Variants in DHRS12 observed in about 807,000 individuals in gnomAD.
DHRS12 encodes the protein dehydrogenase/reductase 12, also known as dehydrogenase/reductase SDR family member 12.
Under a neutral mutation model 32.1 loss-of-function variants are expected in DHRS12, and 29 were observed. The observed-to-expected ratio is 0.90, with a 90% CI of 0.67 to 1.23. The LOEUF (loss-of-function observed/expected upper bound fraction) is 1.23, where lower values mean the gene tolerates loss of function less well. DHRS12 is among the 50% of genes most tolerant of loss of function. The pLI is 0.00. For missense variants in DHRS12, 330 were observed against 337.2 expected (o/e 0.98, Z 0.17); for synonymous variants, 150 against 135.9 (o/e 1.10, Z -0.72).
chr13:51,762,737 CAT>C, the DHRS12 span: 1 of 152,196 alleles, frequency 6.6e-6, no homozygotes, highest in East Asian at 1.9e-4. Flanking sequence ...TTGCACTTTA[CAT>C]ATATTTTTGC....
chr13:51,768,563 C>A, intron 8 of DHRS12: 1 of 1,328,430 alleles, frequency 7.5e-7, no homozygotes, highest in Non-Finnish European at 9.6e-7. Flanking sequence ...TGCGGCCATC[C>A]TCCCGGATAC....
At chr13:51,758,411 C>T in the DHRS12 span, 2 of 663,918 alleles carry the variant, frequency 3.0e-6, no homozygotes, top group South Asian at 4.7e-5. Flanking sequence ...GGTAGCCGGC[C>T]ATGGTGGCAT....
rs138727577 is a variant in DHRS12 at position 51,797,837 on chromosome 13, T to G, written c.126+1697A>C. 1,266 of 1,535,236 alleles carry G rather than the reference T, an allele frequency of 8.2e-4. 11 individuals carry two copies. In the African/African-American group the frequency reaches 0.016, roughly 19 times the overall value. On this transcript the variant is annotated intron_variant, in intron 2 of 8. Transcript: ENST00000444610. ...GAGGAGCTGCTCACCTGGTTACCGC[T>G]CTCCCGGATGATCTCACCCCTGGCA...
rs540451252 is a variant in DHRS12, at chr13:51,788,260, A to G, written c.301+1751T>C. On this transcript the variant is annotated intron_variant, in intron 4 of 8. Coordinates refer to ENST00000444610, the MANE Select transcript of DHRS12 (RefSeq NM_001377533.1). Reference sequence around the variant, plus strand: ...GCACTCTGGGAGTCTCAGCTGTCCCATCGAGTTATGAGCCAAACTCTAGCA... The same window carrying G: ...GCACTCTGGGAGTCTCAGCTGTCCCGTCGAGTTATGAGCCAAACTCTAGCA... Among the ~76,000 whole-genome samples, 17 of 152,132 alleles carry G rather than the reference A, an allele frequency of 1.1e-4. 1 individual carries two copies. Among genetic ancestry groups the G allele is most frequent in the Admixed American group, 4.6e-4 (7 of 15,270 alleles).
intron 2 of DHRS12, among the ~76,000 whole-genome samples, chr13:51,792,943 T>C (rs1955346067): frequency 6.6e-6 from 1 of 151,740 alleles, no homozygotes. Flanking sequence ...TTTTTTTTGG[T>C]CAAAAGTTTG....
rs1188590084 is a variant in DHRS12 at position 51,804,056 on chromosome 13, G to A, written c.-11C>T. On this transcript the variant is annotated splice_region_variant and 5_prime_UTR_variant, in exon 1 of 9. Transcript: ENST00000444610. ...CGCGCCCCGCCGCGCCGCCTTACTTGGTGTACTCGCGCAGCCCCTTGGCGA... is the reference window on the plus strand; with the variant it reads ...CGCGCCCCGCCGCGCCGCCTTACTTAGTGTACTCGCGCAGCCCCTTGGCGA... The A allele has an allele frequency of 3.4e-6, 5 of 1,481,688 alleles. No homozygotes were observed. The highest frequency in any genetic ancestry group is 1.5e-5 in the African/African-American group (1 of 68,496). The allele number at this position is 1,481,688 out of a possible 1,614,324, so 91.8% of individuals were successfully genotyped here.
At chr13:51,785,751 A>ATCATTGTAC (rs990841101) in intron 4 of DHRS12, among the ~76,000 whole-genome samples, 2 of 152,228 alleles carry the variant, frequency 1.3e-5, no homozygotes, top group African/African-American at 4.8e-5. Flanking sequence ...ATGCATGCTT[A>ATCATTGTAC]TCATTGTACA....
intron 4 of DHRS12, among the ~76,000 whole-genome samples, chr13:51,789,379 T>C (rs547258434): frequency 6.6e-6 from 1 of 152,212 alleles, no homozygotes; most frequent in African/African-American, 2.4e-5. Flanking sequence ...ATCTTTAGTG[T>C]GCACCAGAAT....
At chr13:51,781,653 G>C (rs150325435) in intron 4 of DHRS12, among the ~76,000 whole-genome samples, 109 of 152,264 alleles carry the variant, frequency 7.2e-4, no homozygotes, top group African/African-American at 2.6e-3. Flanking sequence ...GGGATGGGAA[G>C]AAGGGCTGCA....
chr13:51,762,991 G>A, the DHRS12 span: 1 of 152,156 alleles, frequency 6.6e-6, no homozygotes, highest in Non-Finnish European at 1.5e-5. Flanking sequence ...TTTGTATGGG[G>A]TCAATCCACC....
At chr13:51,759,304 G>A in the DHRS12 span, among the ~76,000 whole-genome samples, 3 of 151,936 alleles carry the variant, frequency 2.0e-5, no homozygotes, top group South Asian at 4.1e-4. Flanking sequence ...CGTGCTTGGC[G>A]TCCAGTTAAT....
chr13:51,801,667 C>T (rs987063565), intron 1 of DHRS12, among the ~76,000 whole-genome samples: 51 of 152,260 alleles, frequency 3.3e-4, no homozygotes, highest in African/African-American at 1.2e-3. Context: ...CTGTGAAAGG[C>T]TTTTCCGGTA....
the DHRS12 span, chr13:51,755,594 C>A: frequency 1.3e-6 from 1 of 794,516 alleles, no homozygotes; most frequent in Non-Finnish European, 2.0e-6. Flanking sequence ...CTCGTGATTG[C>A]ACAGTAATTT....
In DHRS12 at chr13:51,771,816, C is replaced by T. The variant is rs1253485853; in HGVS notation, c.559+5G>A. The T allele has an allele frequency of 1.2e-6, 2 of 1,613,864 alleles. No homozygotes were observed. Among genetic ancestry groups the T allele is most frequent in the Non-Finnish European group, 1.7e-6 (2 of 1,179,946 alleles). The stretch of plus-strand genomic sequence containing the variant: ...GTGGCTCAGCAATTAAAGGCTATGA[C>T]ATACCTGGGGTGTCGGCCCAGCCAG... On this transcript the variant is annotated splice_donor_5th_base_variant and intron_variant, in intron 7 of 8. Coordinates refer to ENST00000444610, the MANE Select transcript of DHRS12 (RefSeq NM_001377533.1).
chr13:51,799,076 G>A (rs191006331), intron 2 of DHRS12, among the ~76,000 whole-genome samples: 36 of 152,282 alleles, frequency 2.4e-4, no homozygotes, highest in Admixed American at 2.1e-3. Context: ...CAGGTATTTT[G>A]GGGGCCTTGG....
At chr13:51,793,361 C>T (rs1029092421) in intron 2 of DHRS12, among the ~76,000 whole-genome samples, 1 of 152,212 alleles carries the variant, frequency 6.6e-6, no homozygotes, top group African/African-American at 2.4e-5. Flanking sequence ...GAGCAAGAGC[C>T]ACAACTCCTT....
chr13:51,758,522 GCC>G, the DHRS12 span, among the ~76,000 whole-genome samples: 9 of 145,464 alleles, frequency 6.2e-5, no homozygotes, highest in African/African-American at 2.3e-4. Context: ...CTGCACTCTA[GCC>G]TGAGCAACAA....
At chr13:51,777,189 T>C (rs896298729) in intron 4 of DHRS12, 68 bp from the exon 5 acceptor site, 5 of 1,581,994 alleles carry the variant, frequency 3.2e-6, no homozygotes, top group African/African-American at 2.7e-5. Flanking sequence ...CCTGCAGGAC[T>C]GATGTGGGGA....
intron 7 of DHRS12, chr13:51,771,317 C>T (rs1434192125): frequency 6.3e-7 from 1 of 1,581,046 alleles, no homozygotes; most frequent in Non-Finnish European, 8.6e-7. Context: ...GTTGGTGAGG[C>T]CAATCCGGAA....
Sources: gnomAD v4.1 joint callset for allele counts (sites outside exome capture counted in the v4.1 genomes callset) on GRCh38, gnomAD v4.1.1 for gene constraint, MANE v1.5 for transcripts, NCBI Gene and HGNC (gene_info 2026-07-23, HGNC 2026-07-21) for gene names.